CLDN14: variants seen among roughly 807,000 people sequenced by gnomAD.
The protein encoded by CLDN14 is claudin 14.
A neutral mutation model predicts 2.1 loss-of-function variants in CLDN14; 2 were observed. The ratio of observed to expected loss-of-function variants is 0.96; its 90% CI spans 0.39 to 3.01. The LOEUF is 3.01. CLDN14 is among the 30% of genes most tolerant of loss of function. CLDN14 has a pLI of 0.09. For synonymous variants in CLDN14, 136 were observed against 154.4 expected, an observed-to-expected ratio of 0.88 and a Z score of 0.88; for missense variants, 298 against 328.0, an observed-to-expected ratio of 0.91 and a Z score of 0.71.
chr21:36,572,229 C>T (rs2087715029), intron 1 of CLDN14, among the ~76,000 whole-genome samples: 1 of 152,106 alleles, frequency 6.6e-6, no homozygotes, highest in Admixed American at 6.5e-5. Context: ...GTAATTCCAG[C>T]CCTGGCGTAA....
chr21:36,478,874 G>A (rs918251284), intron 1 of CLDN14, among the ~76,000 whole-genome samples: 12 of 152,114 alleles, frequency 7.9e-5, no homozygotes, highest in African/African-American at 2.9e-4. Flanking sequence ...GGGGATGTGG[G>A]GCCCCAGGTA....
rs1160227259 is a variant in CLDN14 at position 36,499,021 on chromosome 21, G to T, written c.-82+11342C>A. On this transcript the variant is annotated intron_variant, in intron 2 of 2. Transcript: ENST00000342108. This position sits in a 1 kb window ranked among gnomAD's most constrained non-coding sequence, Gnocchi z 4.7. ...GCACCTTTATTTTCTAATTTGGCCA[G>T]TTTCAGGGCACATGACAATCACCGA... Among the ~76,000 whole-genome samples the T allele has an allele frequency of 1.3e-5, 2 of 152,184 alleles. No homozygotes were observed. The highest frequency in any genetic ancestry group is 4.8e-5 in the African/African-American group (2 of 41,444).
Position 36,568,449 on chromosome 21 carries a change from T to C in CLDN14, c.-220+7962A>G, listed in dbSNP as rs553871986. Among the ~76,000 whole-genome samples the C allele has an allele frequency of 1.1e-3, 169 of 152,356 alleles. 1 individual carries two copies. Among genetic ancestry groups the C allele is most frequent in the African/African-American group, 3.8e-3 (156 of 41,582 alleles). On this transcript the variant is annotated intron_variant, in intron 1 of 2. Transcript: ENST00000342108. ...CCAGTGCGGCATCTTCTATGGGCAGTCTTTGCTCTGGAGCCCTCTGTCTTT... is the reference window on the plus strand; with the variant it reads ...CCAGTGCGGCATCTTCTATGGGCAGCCTTTGCTCTGGAGCCCTCTGTCTTT...
chr21:36,486,984 TA>T (rs2086904643), intron 2 of CLDN14: 5 of 384,938 alleles, frequency 1.3e-5, no homozygotes, highest in East Asian at 6.3e-5. Flanking sequence ...GGATTTTGTT[TA>T]ATTTTTTTTT....
intron 1 of CLDN14, among the ~76,000 whole-genome samples, chr21:36,539,239 C>T (rs2087458366): frequency 1.3e-5 from 2 of 152,242 alleles, no homozygotes; most frequent in Non-Finnish European, 2.9e-5. Context: ...GATCCCCACA[C>T]TCAAGGTGTT....
intron 1 of CLDN14, among the ~76,000 whole-genome samples, chr21:36,519,741 CA>C (rs1293793557): frequency 3.3e-5 from 5 of 151,852 alleles, no homozygotes; most frequent in African/African-American, 1.2e-4. Context: ...AACAAAACCC[CA>C]AAAACAAAAA....
At chr21:36,492,991 A>T (rs1357703760) in intron 2 of CLDN14, among the ~76,000 whole-genome samples, 1 of 152,188 alleles carries the variant, frequency 6.6e-6, no homozygotes, top group Non-Finnish European at 1.5e-5. Context: ...GTGGGGAGAG[A>T]CGAGTCAGAC....
chr21:36,485,092 A>G (rs140702212), upstream of CLDN14, among the ~76,000 whole-genome samples: 3 of 151,736 alleles, frequency 2.0e-5, no homozygotes, highest in Non-Finnish European at 4.4e-5. Context: ...TCACATTCAC[A>G]GGCACCAGAA....
At chr21:36,535,962 G>A (rs2087421358) in intron 1 of CLDN14, among the ~76,000 whole-genome samples, 2 of 152,136 alleles carry the variant, frequency 1.3e-5, no homozygotes, top group Admixed American at 6.5e-5. Flanking sequence ...CCCCACCCTC[G>A]GAAAGTACAG....
At chr21:36,550,152 T>C (rs1200934963) in intron 1 of CLDN14, among the ~76,000 whole-genome samples, 2 of 152,220 alleles carry the variant, frequency 1.3e-5, no homozygotes, top group Non-Finnish European at 2.9e-5. Context: ...GATATTGTCT[T>C]TCTAAATGCC....
chr21:36,506,692 G>C (rs1052327990), intron 2 of CLDN14, among the ~76,000 whole-genome samples: 1 of 152,208 alleles, frequency 6.6e-6, no homozygotes, highest in South Asian at 2.1e-4. Context: ...ATCACCTCTG[G>C]GGGGTGGAGC....
chr21:36,469,455 C>T (rs575593867), intron 1 of CLDN14, among the ~76,000 whole-genome samples: 19 of 152,286 alleles, frequency 1.2e-4, no homozygotes, highest in African/African-American at 3.1e-4. Context: ...TACGTGACTA[C>T]GACTTATTAC....
At chr21:36,500,969 G>C (rs886414963) in intron 2 of CLDN14, among the ~76,000 whole-genome samples, 2 of 152,246 alleles carry the variant, frequency 1.3e-5, no homozygotes, top group African/African-American at 2.4e-5. Flanking sequence ...CGCATTTAAT[G>C]ATGAGAAAGC....
intron 1 of CLDN14, among the ~76,000 whole-genome samples, chr21:36,514,071 GT>G (rs1264558724): frequency 6.6e-6 from 1 of 151,922 alleles, no homozygotes; most frequent in African/African-American, 2.4e-5. Context: ...GCCCAGGCTG[GT>G]CTCAAACTCC....
intron 1 of CLDN14, among the ~76,000 whole-genome samples, chr21:36,546,193 G>T (rs746519066): frequency 1.3e-5 from 2 of 152,166 alleles, no homozygotes; most frequent in Non-Finnish European, 2.9e-5. Flanking sequence ...TCACTAAATT[G>T]CATGTTAGTC....
intron 1 of CLDN14, among the ~76,000 whole-genome samples, chr21:36,463,469 T>C (rs2086605963): frequency 1.3e-5 from 2 of 152,194 alleles, no homozygotes; most frequent in Admixed American, 1.3e-4. Flanking sequence ...CCCAGCACTT[T>C]GGGAGGCTAA....
Position 36,485,123 on chromosome 21 carries a change from T to G in CLDN14, c.-81-23347A>C, listed in dbSNP as rs550944714. Among the ~76,000 whole-genome samples, 126 of 151,696 alleles carry G rather than the reference T, an allele frequency of 8.3e-4. 7 individuals are homozygous for G. The highest frequency in any genetic ancestry group is 1.9e-3 in the Admixed American group (29 of 15,102). ...CAGAAGGTAGGGCTTCAATATGCATTTTGGGGGACAGACTTCACCCACTGA... is the reference window on the plus strand; with the variant it reads ...CAGAAGGTAGGGCTTCAATATGCATGTTGGGGGACAGACTTCACCCACTGA... On this transcript the variant is annotated intron_variant, in intron 2 of 2. Transcript: ENST00000342108.
intron 1 of CLDN14, among the ~76,000 whole-genome samples, chr21:36,475,718 G>A (rs779824412): frequency 2.6e-5 from 4 of 152,092 alleles, no homozygotes; most frequent in Non-Finnish European, 4.4e-5. Flanking sequence ...ACCCAGCCCC[G>A]CTGGCTTCAT....
At chr21:36,571,611 G>A (rs1227418117) in intron 1 of CLDN14, among the ~76,000 whole-genome samples, 1 of 152,190 alleles carries the variant, frequency 6.6e-6, no homozygotes, top group Non-Finnish European at 1.5e-5. Context: ...GTGAGATGAA[G>A]GGGGTGGTGC....
Sources: gnomAD v4.1 joint callset for allele counts (sites outside exome capture counted in the v4.1 genomes callset) on GRCh38, gnomAD v4.1.1 for gene constraint, Gnocchi (gnomAD v3.1) non-coding constraint, MANE v1.5 for transcripts, NCBI Gene and HGNC (gene_info 2026-07-23, HGNC 2026-07-21) for gene names.